Variants in NAAA observed in about 807,000 individuals in gnomAD.
NAAA encodes N-acylethanolamine-hydrolyzing acid amidase.
A neutral mutation model predicts 44.8 loss-of-function variants in NAAA; 39 were observed. The ratio of observed to expected loss-of-function variants is 0.87; its 90% CI spans 0.67 to 1.14. The LOEUF (loss-of-function observed/expected upper bound fraction) is 1.14, where lower values mean the gene tolerates loss of function less well. NAAA is among the 50% of genes most tolerant of loss of function. The pLI is 0.00. For missense variants in NAAA, 460 were observed against 467.8 expected, an observed-to-expected ratio of 0.98 and a Z score of 0.15; for synonymous variants, 178 against 191.3, an observed-to-expected ratio of 0.93 and a Z score of 0.58.
At chr4:75,910,972 G>A (rs1725303891), downstream of NAAA, among the ~76,000 whole-genome samples, 1 of 152,170 alleles carries the variant, frequency 6.6e-6, no homozygotes, top group Non-Finnish European at 1.5e-5. Context: ...GGAGTTCGGA[G>A]CAATTTTTTG....
chr4:75,939,922 A>T, intron 2 of NAAA, 79 bp downstream of exon 2: 1 of 1,537,302 alleles, frequency 6.5e-7, no homozygotes, highest in South Asian at 1.1e-5. Flanking sequence ...ATCACACGGA[A>T]AATATGTCTC....
intron 4 of NAAA, 90 bp downstream of exon 4, chr4:75,931,124 C>T: frequency 1.0e-6 from 1 of 985,214 alleles, no homozygotes; most frequent in Non-Finnish European, 1.6e-6. Flanking sequence ...AGTGGGTGTT[C>T]TGTATATTCT....
intron 5 of NAAA, among the ~76,000 whole-genome samples, chr4:75,925,192 C>G (rs1726554548): frequency 6.6e-6 from 1 of 152,164 alleles, no homozygotes; most frequent in African/African-American, 2.4e-5. Context: ...CATGCCACCA[C>G]ACCCAGCTAA....
In NAAA at chr4:75,936,340, T is replaced by TGATATATG. The variant is rs1462647870; in HGVS notation, c.372-106_372-105insCATATATC. 3.0e-6 allele frequency: 4 copies of TGATATATG among 1,348,424 alleles called. No individual in the cohort carries two copies. In the East Asian group the frequency reaches 9.2e-5, roughly 31 times the overall value. 83.5% of individuals were successfully genotyped at this position (1,348,424 alleles called of 1,614,324 possible). A position where few individuals can be genotyped will look rare whatever the true frequency, so the allele number is the denominator to read the frequency against. On this transcript the variant is annotated intron_variant, in intron 2 of 10. Transcript: ENST00000286733. ...CAAATCCTCAAAGTAAAAGTTTTTC[T>TGATATATG]TCCTTATAACTGATATATGTGCTAT...
intron 5 of NAAA, among the ~76,000 whole-genome samples, chr4:75,924,484 G>A (rs905958): frequency 0.26 from 39,226 of 152,142 alleles, 6,211 homozygotes; most frequent in East Asian, 0.49. Flanking sequence ...GTTGACTGTG[G>A]GTAACAGAAA....
intron 4 of NAAA, among the ~76,000 whole-genome samples, chr4:75,926,070 CA>C (rs3832275): frequency 0.3 from 46,073 of 151,796 alleles, 7,063 homozygotes; most frequent in East Asian, 0.43. Context: ...GAGTCTTCCA[CA>C]CCTGTGATTT....
chr4:75,932,652 T>C (rs1156368104), intron 3 of NAAA, among the ~76,000 whole-genome samples: 5 of 151,942 alleles, frequency 3.3e-5, no homozygotes, highest in African/African-American at 9.7e-5. Context: ...CTGACTGATA[T>C]ATAAATATAT....
chr4:75,920,066 A>G (rs1726007125), intron 7 of NAAA, 91 bp from the exon 8 acceptor site: 2 of 1,134,464 alleles, frequency 1.8e-6, no homozygotes, highest in East Asian at 4.7e-5. Flanking sequence ...TGCAAGCTCC[A>G]GTCTCATTAT....
In NAAA at chr4:75,940,138, C is replaced by G. The variant is rs1728119839; in HGVS notation, c.234G>C (p.Val78=). 1 of 1,614,098 alleles carries G rather than the reference C, an allele frequency of 6.2e-7. No homozygotes were observed. The highest frequency in any genetic ancestry group is 2.2e-5 in the East Asian group (1 of 44,874). The change falls in exon 2 of 11, where the codon GTG becomes GTC. Residue 78 remains valine, a synonymous_variant. Transcript: ENST00000286733. ...IGDRVPKWVH[V]LIGKVVLELE... ...GCTCCAGGACCACTTTTCCGATTAA[C>G]ACGTGCACCCACTTGGGGACTCTGT...
chr4:75,911,656 G>A (rs916779595), downstream of NAAA, among the ~76,000 whole-genome samples: 18 of 152,176 alleles, frequency 1.2e-4, no homozygotes, highest in Admixed American at 6.5e-4. Flanking sequence ...TTGCCAGAAT[G>A]CAAAAGTCTG....
chr4:75,921,381 A>C (rs1037831446), intron 5 of NAAA, among the ~76,000 whole-genome samples: 4 of 152,140 alleles, frequency 2.6e-5, no homozygotes, highest in African/African-American at 9.7e-5. Context: ...CTCAGCAAAC[A>C]CCGGCTGTGT....
In NAAA at chr4:75,940,774, A is replaced by G. The variant is rs1306998502; in HGVS notation, c.176T>C (p.Leu59Ser). Residue 59 changes from leucine (L) to serine (S), a missense_variant, in exon 1 of 11, where the codon TTG (leucine) becomes TCG (serine). By Grantham distance (145) the Leu-to-Ser change is moderately radical (BLOSUM62 -2). Transcript: ENST00000286733. The stretch of plus-strand genomic sequence containing the variant: ...GACTTGCGCCATCGCGGCGCGCACC[A>G]AGTCCAAGTCGTAGTGCCGCAGCAC... Reference protein sequence around the residue: ...LPVLRHYDLDLVRAAMAQVIG... With the variant: ...LPVLRHYDLDSVRAAMAQVIG... 4 of 1,598,376 alleles carry G rather than the reference A, an allele frequency of 2.5e-6. No individual in the cohort carries two copies. Among genetic ancestry groups the G allele is most frequent in the Non-Finnish European group, 3.4e-6 (4 of 1,178,676 alleles).
chr4:75,917,055 A>G (rs1478525171), intron 9 of NAAA: 3 of 906,140 alleles, frequency 3.3e-6, no homozygotes, highest in Non-Finnish European at 4.0e-6. Flanking sequence ...CTAGGATTAC[A>G]GATGTGAGCC....
chr4:75,926,131 C>CT (rs964339726), intron 4 of NAAA, among the ~76,000 whole-genome samples: 1 of 152,142 alleles, frequency 6.6e-6, no homozygotes, highest in Admixed American at 6.5e-5. Flanking sequence ...CCCAAAATTA[C>CT]TTTTGGACAA....
In NAAA at chr4:75,914,962, A is replaced by G; in HGVS notation, c.1022T>C (p.Met341Thr). The G allele has an allele frequency of 6.2e-7, 1 of 1,613,558 alleles. No individual in the cohort carries two copies. The highest frequency in any genetic ancestry group is 8.5e-7 in the Non-Finnish European group (1 of 1,179,510). The change falls in exon 10 of 11, where the codon ATG (methionine) becomes ACG (threonine). Residue 341 changes from methionine (M) to threonine (T), a missense_variant. Physicochemically the swap from Met to Thr is moderately conservative, Grantham distance 81. Coordinates refer to ENST00000286733, the MANE Select transcript of NAAA (RefSeq NM_014435.4). ...GTACTTGTCTGGGCTACCGGCGCTC[A>G]TTACCGTAGTATAAATTGTGAAGCT... ...YNNFTIYTTV[M>T]SAGSPDKYMT...
downstream of NAAA, among the ~76,000 whole-genome samples, chr4:75,912,114 G>A (rs1187002479): frequency 2.0e-5 from 3 of 152,186 alleles, no homozygotes; most frequent in Non-Finnish European, 4.4e-5. Flanking sequence ...AGCAACTAGA[G>A]TGTTGGATTA....
chr4:75,919,443 A>C, intron 8 of NAAA: 1 of 162,508 alleles, frequency 6.2e-6, no homozygotes, highest in South Asian at 2.0e-4. Flanking sequence ...GTGAAGATGG[A>C]CATTTTAACT....
chr4:75,938,641 A>C (rs1727940090), intron 2 of NAAA, among the ~76,000 whole-genome samples: 1 of 152,124 alleles, frequency 6.6e-6, no homozygotes, highest in Non-Finnish European at 1.5e-5. Context: ...TTCTACCCCC[A>C]TCATCTTTAG....
chr4:75,931,391 T>A, intron 3 of NAAA, 87 bp from the exon 4 acceptor site: 1 of 981,772 alleles, frequency 1.0e-6, no homozygotes, highest in Non-Finnish European at 1.5e-6. Context: ...TTTCTGGATT[T>A]TTTTTCTTAT....
Sources: allele counts gnomAD v4.1 joint callset (sites outside exome capture counted in the v4.1 genomes callset), GRCh38; gene constraint gnomAD v4.1.1; transcripts MANE v1.5; gene names NCBI Gene and HGNC (gene_info 2026-07-23, HGNC 2026-07-21).